Variants in PRDM2 observed in about 807,000 individuals in gnomAD.
The protein encoded by PRDM2 is PR/SET domain 2, also known as PR domain zinc finger protein 2.
Under a neutral mutation model 130.0 loss-of-function variants are expected in PRDM2, and 30 were observed. The observed-to-expected ratio is 0.23, with a 90% CI of 0.17 to 0.31. The LOEUF is 0.31. Ranked by LOEUF, PRDM2 falls within the 10% of genes least tolerant of loss-of-function variation. PRDM2 has a pLI of 1.00. For synonymous variants in PRDM2, 871 were observed against 782.4 expected, an observed-to-expected ratio of 1.11 and a Z score of -1.89; for missense variants, 2,011 against 2,108.4, an observed-to-expected ratio of 0.95 and a Z score of 0.90.
chr1:13,778,339 T>C, intron 7 of PRDM2, 79 bp from the exon 8 acceptor site: 1 of 1,395,448 alleles, frequency 7.2e-7, no homozygotes, highest in South Asian at 1.4e-5. Context: ...GAGAAATAAC[T>C]TGAATCATTC....
At chr1:13,747,681 C>T (rs80174145) in intron 5 of PRDM2, among the ~76,000 whole-genome samples, 2,778 of 148,712 alleles carry the variant, frequency 0.019, 62 homozygotes, top group South Asian at 0.12. Context: ...AAGTAATATT[C>T]ACTTTTGGGG....
intron 8 of PRDM2, chr1:13,786,430 G>A (rs770951351): frequency 1.6e-5 from 25 of 1,532,706 alleles, no homozygotes; most frequent in Middle Eastern, 1.8e-4. Flanking sequence ...TTTGTCTTAC[G>A]GTCTATTCAC....
Position 13,767,909 on chromosome 1 carries a change from G to A in PRDM2, c.512-5169G>A, listed in dbSNP as rs115775349. ...AGGGATCACCTGAGCCCAGGAGGTC[G>A]AGGCTGCAGTGAATCGAGATCATGC... On this transcript the variant is annotated intron_variant, in intron 6 of 9. Transcript: ENST00000311066. 4.2e-3 allele frequency among the ~76,000 whole-genome samples: 646 copies of A among 152,094 alleles called. 5 individuals are homozygous for A. The highest frequency in any genetic ancestry group is 0.015 in the African/African-American group (617 of 41,476).
chr1:13,816,130 G>A (rs535064835), intron 8 of PRDM2, among the ~76,000 whole-genome samples: 20 of 152,164 alleles, frequency 1.3e-4, no homozygotes, highest in Non-Finnish European at 2.2e-4. Context: ...GTCACCAGAC[G>A]GCACTGCCCA....
intron 2 of PRDM2, among the ~76,000 whole-genome samples, chr1:13,721,830 G>A (rs1642738837): frequency 6.6e-6 from 1 of 152,046 alleles, no homozygotes; most frequent in South Asian, 2.1e-4. Context: ...ACTCTCCTTG[G>A]TCAGTTCTGG....
chr1:13,787,132 C>CT (rs1161165179), intron 8 of PRDM2: 16 of 985,370 alleles, frequency 1.6e-5, no homozygotes, highest in South Asian at 4.7e-5. Context: ...GATATGGACT[C>CT]TTTTTTATGC....
At chr1:13,707,381 A>T (rs1270657467) in intron 1 of PRDM2, among the ~76,000 whole-genome samples, 2 of 152,238 alleles carry the variant, frequency 1.3e-5, no homozygotes, top group Non-Finnish European at 2.9e-5. Flanking sequence ...GAAAAATAGT[A>T]CACAGGGGTC....
intron 8 of PRDM2, among the ~76,000 whole-genome samples, chr1:13,796,876 C>T (rs1644930842): frequency 6.6e-6 from 1 of 152,146 alleles, no homozygotes; most frequent in Non-Finnish European, 1.5e-5. Context: ...TAATGGACTG[C>T]TTTTTTTCTT....
rs1644359755 is a variant in PRDM2 at position 13,771,521 on chromosome 1, G to A, written c.512-1557G>A. ...CCGAGGCAGGCGGATCATGAGGTCA[G>A]GAGATCGAGACCATCCTGGCTAAGA... On this transcript the variant is annotated intron_variant, in intron 6 of 9. Transcript: ENST00000311066. The surrounding 1 kb of genome is among the most constrained non-coding windows in gnomAD (Gnocchi z 4.1). Among the ~76,000 whole-genome samples the A allele has an allele frequency of 6.6e-6, 1 of 152,182 alleles. No individual in the cohort carries two copies. The highest frequency in any genetic ancestry group is 2.4e-5 in the African/African-American group (1 of 41,440).
At chr1:13,796,563 C>T (rs1252431028) in intron 8 of PRDM2, among the ~76,000 whole-genome samples, 1 of 152,020 alleles carries the variant, frequency 6.6e-6, no homozygotes, top group Non-Finnish European at 1.5e-5. Flanking sequence ...CAAGACCAGC[C>T]TGGGCAACAT....
chr1:13,747,669 C>A (rs955133049), intron 5 of PRDM2, among the ~76,000 whole-genome samples: 117 of 148,120 alleles, frequency 7.9e-4, no homozygotes, highest in African/African-American at 2.9e-3. Flanking sequence ...GAGAATTAAA[C>A]GAAGTAATAT....
chr1:13,787,139 A>T (rs1419746028), intron 8 of PRDM2: 3 of 985,212 alleles, frequency 3.0e-6, no homozygotes, highest in Non-Finnish European at 3.6e-6. Flanking sequence ...ACTCTTTTTT[A>T]TGCCTATTCT....
intron 8 of PRDM2, among the ~76,000 whole-genome samples, chr1:13,790,996 C>T (rs537177786): frequency 2.6e-5 from 4 of 152,180 alleles, no homozygotes; most frequent in African/African-American, 9.6e-5. Context: ...TGTCATTTAC[C>T]GATGGAGAAA....
Position 13,803,260 on chromosome 1 carries a change from T to C in PRDM2, c.5037-13167T>C, listed in dbSNP as rs919672185. ...TTCTTGAGCAGCATGGACAGGCACA[T>C]TTCAGGGTTGAACCGCACCAGGAGC... On this transcript the variant is annotated intron_variant, in intron 8 of 9. Transcript: ENST00000311066. This position sits in a 1 kb window ranked among gnomAD's most constrained non-coding sequence, Gnocchi z 6.2. Among the ~76,000 whole-genome samples, 1 of 152,182 alleles carries C rather than the reference T, an allele frequency of 6.6e-6. No individual in the cohort carries two copies. Among genetic ancestry groups the C allele is most frequent in the Admixed American group, 6.5e-5 (1 of 15,278 alleles).
In PRDM2 at chr1:13,732,113, ACTGT is replaced by A. The variant is rs1361564084; in HGVS notation, c.128-662_128-659del. Among the ~76,000 whole-genome samples the A allele has an allele frequency of 2.0e-5, 3 of 152,018 alleles. No homozygotes were observed. In the East Asian group the frequency reaches 5.8e-4, roughly 29 times the overall value. ...TGCTGGGCCAGACTCCTGCCATTTT[ACTGT>A]CTGCTTGCTCATTATATCGCTTTCC... is the stretch of plus-strand genomic sequence containing the variant. On this transcript the variant is annotated intron_variant, in intron 3 of 9. Transcript: ENST00000311066.
At position 13,780,304 on chromosome 1, in the gene PRDM2, A is replaced by G. The variant is rs770543804; in HGVS notation, c.2509A>G (p.Thr837Ala). Residue 837 changes from threonine to alanine, a missense_variant, in exon 8 of 10, where the codon ACA becomes GCA. Around this residue, in one of 5 missense-constraint regions of PRDM2, gnomAD observed 1,288 missense variants for 1,237.7 expected, o/e 1.04. Coordinates refer to ENST00000311066, the MANE Select transcript of PRDM2 (RefSeq NM_001393986.1). ...SSGVKQKAEG[T>A]GKTPVQWESV... ...CGGTGTCAAACAGAAGGCTGAGGGTACAGGCAAGACTCCAGTCCAGTGGGA... is the reference window on the plus strand; with the variant it reads ...CGGTGTCAAACAGAAGGCTGAGGGTGCAGGCAAGACTCCAGTCCAGTGGGA... 3.7e-6 allele frequency: 6 copies of G among 1,614,196 alleles called. No homozygotes were observed. In the Admixed American group the frequency reaches 5.0e-5, roughly 13 times the overall value.
chr1:13,713,740 C>T (rs547259983), intron 1 of PRDM2, among the ~76,000 whole-genome samples: 1 of 152,268 alleles, frequency 6.6e-6, no homozygotes, highest in Admixed American at 6.5e-5. Context: ...ATCTTATTCA[C>T]CTGGGGGAAT....
chr1:13,722,486 T>C (rs1193613117), intron 2 of PRDM2, among the ~76,000 whole-genome samples: 1 of 152,112 alleles, frequency 6.6e-6, no homozygotes, highest in African/African-American at 2.4e-5. Flanking sequence ...TGGGGATTTT[T>C]CTGTGATTTC....
rs1162444988 is a variant in PRDM2, at chr1:13,733,237, G to A, written c.231+355G>A. Among the ~76,000 whole-genome samples, 5 of 152,198 alleles carry A rather than the reference G, an allele frequency of 3.3e-5. 1 individual carries two copies. Among genetic ancestry groups the A allele is most frequent in the Non-Finnish European group, 4.4e-5 (3 of 68,034 alleles). On this transcript the variant is annotated intron_variant, in intron 4 of 9. Transcript: ENST00000311066. ...AAAGACACTCTATGGTGGCTGCAAAGAAAGCACTGTTAGGTTCTTCTCTAT... is the reference window on the plus strand; with the variant it reads ...AAAGACACTCTATGGTGGCTGCAAAAAAAGCACTGTTAGGTTCTTCTCTAT...
Sources: gnomAD v4.1 joint callset for allele counts (sites outside exome capture counted in the v4.1 genomes callset) on GRCh38, gnomAD v4.1.1 for gene constraint, gnomAD v4.1.1 regional missense constraint, Gnocchi (gnomAD v3.1) non-coding constraint, MANE v1.5 for transcripts, NCBI Gene and HGNC (gene_info 2026-07-23, HGNC 2026-07-21) for gene names.